The following ENKUR variants were observed in gnomAD, a reference collection of about 807,000 sequenced individuals.
ENKUR encodes enkurin.
In ENKUR, 19 loss-of-function variants were observed where a neutral mutation model predicts 27.6. The ratio of observed to expected loss-of-function variants is 0.69; its 90% CI spans 0.48 to 1.01. The LOEUF (loss-of-function observed/expected upper bound fraction) is 1.01. ENKUR is among the 50% of genes least tolerant of loss of function. The probability of loss-of-function intolerance (pLI) is 0.00; values close to 1 mark genes in which losing one functional copy is unlikely to be tolerated. For missense variants in ENKUR, 312 were observed against 310.5 expected (o/e 1.00, Z -0.04); for synonymous variants, 117 against 96.9 (o/e 1.21, Z -1.22).
At chr10:25,005,389 C>T (rs1342042270) in intron 1 of ENKUR, among the ~76,000 whole-genome samples, 1 of 152,200 alleles carries the variant, frequency 6.6e-6, no homozygotes, top group South Asian at 2.1e-4. Context: ...TTTTAAAAAC[C>T]ATTTATTTCA....
At chr10:25,013,479 A>C (rs748178609) in intron 1 of ENKUR, among the ~76,000 whole-genome samples, 3 of 152,240 alleles carry the variant, frequency 2.0e-5, no homozygotes, top group Non-Finnish European at 4.4e-5. Flanking sequence ...GTTGGACATG[A>C]CTGTCAAAAT....
intron 1 of ENKUR, among the ~76,000 whole-genome samples, chr10:25,006,606 A>C (rs972692638): frequency 1.3e-5 from 2 of 152,178 alleles, no homozygotes; most frequent in African/African-American, 4.8e-5. Flanking sequence ...TTACTTTTCT[A>C]TCATAATTTC....
At chr10:25,013,362 C>A (rs1850494426) in intron 1 of ENKUR, among the ~76,000 whole-genome samples, 1 of 152,122 alleles carries the variant, frequency 6.6e-6, no homozygotes, top group Admixed American at 6.5e-5. Flanking sequence ...AAAACTATCT[C>A]CATAGATTAA....
At chr10:25,032,459 G>A (rs563730320) in intron 2 of ENKUR, among the ~76,000 whole-genome samples, 16 of 152,128 alleles carry the variant, frequency 1.1e-4, no homozygotes, top group African/African-American at 3.6e-4. Context: ...TAGAATAAGC[G>A]CTTAATCCTA....
At chr10:25,023,268 G>A in intron 2 of ENKUR, 5 of 1,613,820 alleles carry the variant, frequency 3.1e-6, no homozygotes, top group Non-Finnish European at 4.2e-6. Flanking sequence ...AGATAACACA[G>A]AAATGTTTTT....
intron 1 of ENKUR, among the ~76,000 whole-genome samples, chr10:25,007,717 AG>A (rs1450093573): frequency 1.3e-5 from 2 of 152,122 alleles, no homozygotes; most frequent in Non-Finnish European, 2.9e-5. Flanking sequence ...TACAGGCTTG[AG>A]CGACTGCGCC....
chr10:25,054,457 T>TTTTCTTTCTTTC (rs55635166), intron 2 of ENKUR, among the ~76,000 whole-genome samples: 3,188 of 100,864 alleles, frequency 0.032, 161 homozygotes, highest in East Asian at 0.043. Context: ...GTTTTTTCTC[T>TTTTCTTTCTTTC]TTTCTTTCTT....
chr10:24,984,313 C>G lies in ENKUR; in HGVS notation c.*57G>C. 6.4e-7 allele frequency: 1 copy of G among 1,571,742 alleles called. No homozygotes were observed. The highest frequency in any genetic ancestry group is 8.6e-7 in the Non-Finnish European group (1 of 1,157,520). On this transcript the variant is annotated 3_prime_UTR_variant, in exon 6 of 6. Transcript: ENST00000331161. ...GACAGTTTAGAGTAGCAAGAAGGCA[C>G]GTGTTACTATTTCCAGTTCAAAATA...
At chr10:24,994,456 C>T (rs943113989) in intron 3 of ENKUR, among the ~76,000 whole-genome samples, 1 of 151,684 alleles carries the variant, frequency 6.6e-6, no homozygotes, top group African/African-American at 2.4e-5. Context: ...GCCTTAGCCA[C>T]CCGAGTAGCT....
intron 2 of ENKUR, among the ~76,000 whole-genome samples, chr10:25,057,859 C>T (rs1415344238): frequency 2.0e-5 from 3 of 152,044 alleles, no homozygotes; most frequent in African/African-American, 7.3e-5. Context: ...TATTTCAGGT[C>T]ACTGGAAATC....
At chr10:25,014,085 G>A (rs1850511527) in intron 1 of ENKUR, among the ~76,000 whole-genome samples, 1 of 152,186 alleles carries the variant, frequency 6.6e-6, no homozygotes, top group East Asian at 1.9e-4. Context: ...TTAAGTCTCA[G>A]CCAATAGTTC....
chr10:25,057,428 C>A (rs12219239), intron 2 of ENKUR, among the ~76,000 whole-genome samples: 9,077 of 131,876 alleles, frequency 0.069, 400 homozygotes, highest in South Asian at 0.12. Context: ...CACACACACA[C>A]AATGCCCTTA....
intron 3 of ENKUR, among the ~76,000 whole-genome samples, chr10:24,994,434 A>G (rs1321779877): frequency 1.3e-5 from 2 of 151,610 alleles, no homozygotes; most frequent in South Asian, 2.1e-4. Context: ...CCTGGGATCA[A>G]GCGATTCTCG....
rs1850439599 is a variant in ENKUR at position 25,011,321 on chromosome 10, G to A, written c.77+4539C>T. Among the ~76,000 whole-genome samples, 3 of 152,040 alleles carry A rather than the reference G, an allele frequency of 2.0e-5. 1 individual carries two copies. In the East Asian group the frequency reaches 5.8e-4, roughly 29 times the overall value. On this transcript the variant is annotated intron_variant, in intron 1 of 5. Transcript: ENST00000331161. ...GTTTTTTTCTTGTACATTTGTTTGA[G>A]TTCATTGTAGATTCTGGATATTAGC...
chr10:24,995,545 T>A, intron 3 of ENKUR, 101 bp downstream of exon 3: 1 of 1,045,460 alleles, frequency 9.6e-7, no homozygotes, highest in Non-Finnish European at 1.4e-6. Context: ...AGACAATGTG[T>A]CCAATGAGAG....
intron 2 of ENKUR, among the ~76,000 whole-genome samples, chr10:25,027,217 G>A (rs528524691): frequency 5.1e-4 from 77 of 151,620 alleles, no homozygotes; most frequent in African/African-American, 1.8e-3. Flanking sequence ...ATAGCCGGGC[G>A]TGGTGGCAGG....
rs139061162 is a variant in ENKUR at position 25,051,572 on chromosome 10, T to C, written c.37+9540A>G. ...GGGACAGGAGAGGTGCCACGCACTTTTAAACTACCAGATCTTACAAGACCT... is the reference window on the plus strand; with the variant it reads ...GGGACAGGAGAGGTGCCACGCACTTCTAAACTACCAGATCTTACAAGACCT... On this transcript the variant is annotated intron_variant, in intron 2 of 5. Coordinates refer to the ENKUR transcript ENST00000615958. Among the ~76,000 whole-genome samples, 140 of 152,232 alleles carry C rather than the reference T, an allele frequency of 9.2e-4. No homozygotes were observed. In the Middle Eastern group the frequency reaches 0.014, roughly 15 times the overall value.
intron 2 of ENKUR, chr10:25,024,023 TTCCTGC>T: frequency 6.2e-7 from 1 of 1,614,236 alleles, no homozygotes. Context: ...GGCCTCTTTG[TTCCTGC>T]AAAGGAGTTT....
At chr10:25,028,690 C>A (rs377507214) in intron 2 of ENKUR, among the ~76,000 whole-genome samples, 16 of 152,300 alleles carry the variant, frequency 1.1e-4, no homozygotes, top group African/African-American at 3.6e-4. Flanking sequence ...TCTCCACTTT[C>A]CTGCCTGTCT....
Sources: allele counts gnomAD v4.1 joint callset (sites outside exome capture counted in the v4.1 genomes callset), GRCh38; gene constraint gnomAD v4.1.1; transcripts MANE v1.5; gene names NCBI Gene and HGNC (gene_info 2026-07-23, HGNC 2026-07-21).